ASCL3: variants seen among roughly 807,000 people sequenced by gnomAD.
The protein encoded by ASCL3 is achaete-scute family bHLH transcription factor 3, also known as achaete-scute homolog 3.
Under a neutral mutation model 2.3 loss-of-function variants are expected in ASCL3, and 1 was observed. The ratio of observed to expected loss-of-function variants is 0.44; its 90% confidence interval spans 0.16 to 2.10. The LOEUF (loss-of-function observed/expected upper bound fraction) is 2.10, where lower values mean the gene tolerates loss of function less well. ASCL3 is among the 30% of genes most tolerant of loss of function. The pLI is 0.28. For synonymous variants in ASCL3, 98 were observed against 88.5 expected (o/e 1.11, Z -0.60); for missense variants, 243 against 229.0 (o/e 1.06, Z -0.40).
intron 1 of ASCL3, among the ~76,000 whole-genome samples, chr11:8,939,535 G>A (rs547324514): frequency 3.9e-5 from 6 of 152,236 alleles, no homozygotes; most frequent in Non-Finnish European, 7.4e-5. Context: ...CACTGTGCCC[G>A]GCCATAAGGT....
chr11:8,938,305 A>G lies in ASCL3; in HGVS notation c.-12-132T>C, dbSNP rs2064690480. On this transcript the variant is annotated intron_variant, in intron 1 of 1. Coordinates refer to ENST00000531618, the MANE Select transcript of ASCL3 (RefSeq NM_020646.3). Reference sequence around the variant, plus strand: ...GGCTCTGTTGCCCAGGCTGGAGTGCAGTGGCGTGATCTCGGCTCACTGCAA... The same window carrying G: ...GGCTCTGTTGCCCAGGCTGGAGTGCGGTGGCGTGATCTCGGCTCACTGCAA... 7 of 791,780 alleles carry G rather than the reference A, an allele frequency of 8.8e-6. 1 individual carries two copies. The highest frequency in any genetic ancestry group is 1.4e-5 in the Non-Finnish European group (7 of 509,406). 49.0% of individuals were successfully genotyped at this position (791,780 alleles called of 1,614,324 possible).
rs1170872757 is a variant in ASCL3 at position 8,937,790 on chromosome 11, A to G, written c.372T>C (p.Tyr124=). 1.2e-6 allele frequency: 2 copies of G among 1,614,026 alleles called. No individual in the cohort carries two copies. Among genetic ancestry groups the G allele is most frequent in the Non-Finnish European group, 1.7e-6 (2 of 1,179,986 alleles). The part of the protein sequence containing the change: ...AQLRHHLPEE[Y]LEKRLSKVET... ...CCACTTTGCTGAGTCGCTTCTCCAA[A>G]TACTCCTCTGGCAGATGATGGCGGA... is the stretch of plus-strand genomic sequence containing the variant. The change falls in exon 2 of 2, where the codon TAT becomes TAC. Residue 124 remains tyrosine (Y), a synonymous_variant. Transcript: ENST00000531618.
Position 8,937,694 on chromosome 11 carries a change from G to A in ASCL3, c.468C>T (p.Thr156=), listed in dbSNP as rs2134847252. The change falls in exon 2 of 2, where the codon ACC becomes ACT. Residue 156 remains threonine, a synonymous_variant. Transcript: ENST00000531618. ...AGGAAACTTTTCCAGGGTTATTCTT[G>A]GTCTCAGCTTTATCAGGGTACAGAA... is the stretch of plus-strand genomic sequence containing the variant. ...QSLLYPDKAE[T]KNNPGKVSSM... The A allele has an allele frequency of 6.2e-7, 1 of 1,614,070 alleles. No homozygotes were observed. The highest frequency in any genetic ancestry group is 1.1e-5 in the South Asian group (1 of 91,078).
chr11:8,941,209 C>T (rs573134939), intron 1 of ASCL3, among the ~76,000 whole-genome samples: 2 of 152,034 alleles, frequency 1.3e-5, no homozygotes, highest in African/African-American at 4.8e-5. Context: ...GAAGGGAAAG[C>T]AGCTTGAAGT....
intron 1 of ASCL3, among the ~76,000 whole-genome samples, chr11:8,938,999 C>A (rs1475416920): frequency 6.6e-6 from 1 of 151,458 alleles, no homozygotes; most frequent in Admixed American, 6.6e-5. Flanking sequence ...GAGACAGGGT[C>A]TTGCCATGTT....
In ASCL3 at chr11:8,938,019, G is replaced by A; in HGVS notation, c.143C>T (p.Pro48Leu). The A allele has an allele frequency of 1.2e-6, 2 of 1,613,998 alleles. No individual in the cohort carries two copies. Among genetic ancestry groups the A allele is most frequent in the South Asian group, 2.2e-5 (2 of 91,072 alleles). ...CAGCCGTGGCAGCTCCTCAGAGTAAGGGGATGACACCGGGGCCTCTGGGTG... is the reference window on the plus strand; with the variant it reads ...CAGCCGTGGCAGCTCCTCAGAGTAAAGGGATGACACCGGGGCCTCTGGGTG... ...HVHPEAPVSS[P>L]YSEELPRLPF... The change falls in exon 2 of 2, where the codon CCT becomes CTT. Residue 48 changes from proline to leucine, a missense_variant. Pro to Leu is a moderately conservative substitution (Grantham distance 98). Transcript: ENST00000531618.
Position 8,940,381 on chromosome 11 carries a change from C to T in ASCL3, c.-12-2208G>A, listed in dbSNP as rs147081701. Among the ~76,000 whole-genome samples, 464 of 152,246 alleles carry T rather than the reference C, an allele frequency of 3.0e-3. 4 individuals carry two copies. The highest frequency in any genetic ancestry group is 5.3e-3 in the Non-Finnish European group (363 of 68,008). ...TCTTCTTTGTGAATAGGTCTATATC[C>T]TTCTCCTGTTTTAAACTACTGTTAC... On this transcript the variant is annotated intron_variant, in intron 1 of 1. Transcript: ENST00000531618.
chr11:8,937,697 C>A lies in ASCL3; in HGVS notation c.465G>T (p.Glu155Asp). 6.2e-7 allele frequency: 1 copy of A among 1,614,080 alleles called. No individual in the cohort carries two copies. Among genetic ancestry groups the A allele is most frequent in the Non-Finnish European group, 8.5e-7 (1 of 1,179,994 alleles). The change falls in exon 2 of 2, where the codon GAG becomes GAT. Residue 155 changes from glutamate (E) to aspartate (D), a missense_variant. Glu to Asp is a conservative substitution (Grantham distance 45). Transcript: ENST00000531618. ...AAACTTTTCCAGGGTTATTCTTGGT[C>A]TCAGCTTTATCAGGGTACAGAAGAG... ...LQSLLYPDKA[E>D]TKNNPGKVSS...
intron 1 of ASCL3, among the ~76,000 whole-genome samples, chr11:8,938,995 G>T (rs568765873): frequency 6.6e-6 from 1 of 151,750 alleles, no homozygotes; most frequent in Non-Finnish European, 1.5e-5. Flanking sequence ...TGTAGAGACA[G>T]GGTCTTGCCA....
At chr11:8,941,384 G>C (rs1261049593) in intron 1 of ASCL3, among the ~76,000 whole-genome samples, 1 of 151,562 alleles carries the variant, frequency 6.6e-6, no homozygotes, top group Non-Finnish European at 1.5e-5. Flanking sequence ...CTAATGTTTA[G>C]GGCAAGATTA....
rs1234098859 is a variant in ASCL3, at chr11:8,937,742, C to G, written c.420G>C (p.Lys140Asn). The change falls in exon 2 of 2, where the codon AAG (lysine) becomes AAC (asparagine). Residue 140 changes from lysine to asparagine, a missense_variant. Coordinates refer to ENST00000531618, the MANE Select transcript of ASCL3 (RefSeq NM_020646.3). ...SKVETLRAAI[K>N]YINYLQSLLY... ...GAAGAGACTGCAGGTAGTTAATGTA[C>G]TTGATCGCAGCTCTGAGGGTTTCCA... 6 of 1,613,954 alleles carry G rather than the reference C, an allele frequency of 3.7e-6. No homozygotes were observed. The Admixed American group carries it at 1.0e-4, about 27-fold the overall frequency.
rs762648790 is a variant in ASCL3 at position 8,937,903 on chromosome 11, C to G, written c.259G>C (p.Glu87Gln). The stretch of plus-strand genomic sequence containing the variant: ...GTGAAGGCTGGCCCGTAGGAGTACT[C>G]GCACCCTCTGTAATTTGGATAAGGC... The part of the protein sequence containing the change: ...PMPYPNYRGC[E>Q]YSYGPAFTRK... Residue 87 changes from glutamate to glutamine, a missense_variant, in exon 2 of 2, where the codon GAG becomes CAG. By Grantham distance (29) the Glu-to-Gln change is conservative (BLOSUM62 2). Coordinates refer to ENST00000531618, the MANE Select transcript of ASCL3 (RefSeq NM_020646.3). The G allele has an allele frequency of 5.6e-6, 9 of 1,613,954 alleles. No homozygotes were observed. In the South Asian group the frequency reaches 7.7e-5, roughly 14 times the overall value.
Position 8,937,810 on chromosome 11 carries a change from G to C in ASCL3, c.352C>G (p.His118Asp), listed in dbSNP as rs1296726378. The change falls in exon 2 of 2, where the codon CAT becomes GAT. Residue 118 changes from histidine (H) to aspartate (D), a missense_variant. His to Asp is a moderately conservative substitution (Grantham distance 81). Transcript: ENST00000531618. ...CVNEGYAQLRHHLPEEYLEKR... is the reference protein window; with the variant it reads ...CVNEGYAQLRDHLPEEYLEKR... Reference sequence around the variant, plus strand: ...TCCAAATACTCCTCTGGCAGATGATGGCGGAGCTGGGCGTAGCCTTCATTG... The same window carrying C: ...TCCAAATACTCCTCTGGCAGATGATCGCGGAGCTGGGCGTAGCCTTCATTG... The C allele has an allele frequency of 4.3e-6, 7 of 1,614,068 alleles. 1 individual carries two copies. The South Asian group carries it at 7.7e-5, about 18-fold the overall frequency.
At chr11:8,942,400 T>C (rs1282813394) in intron 1 of ASCL3, among the ~76,000 whole-genome samples, 1 of 152,138 alleles carries the variant, frequency 6.6e-6, no homozygotes, top group African/African-American at 2.4e-5. Flanking sequence ...GAATTGAGTA[T>C]AAGTTTTTAA....
At chr11:8,938,615 A>T (rs2064692115) in intron 1 of ASCL3, among the ~76,000 whole-genome samples, 1 of 151,964 alleles carries the variant, frequency 6.6e-6, no homozygotes, top group African/African-American at 2.4e-5. Context: ...GGACAATGAG[A>T]TGGTGTTATA....
rs367626662 is a variant in ASCL3 at position 8,937,970 on chromosome 11, G to A, written c.192C>T (p.Ile64=). The change falls in exon 2 of 2, where the codon ATC becomes ATT. Residue 64 remains isoleucine (I), a synonymous_variant. Transcript: ENST00000531618. ...PRLPFPSDSL[I]LGNYSEPCPF... ...GGCAGGGTTCACTGTAATTTCCCAG[G>A]ATAAGAGAGTCGCTGGGAAAAGGCA... The A allele has an allele frequency of 1.3e-5, 21 of 1,613,908 alleles. No homozygotes were observed. The highest frequency in any genetic ancestry group is 1.8e-5 in the Non-Finnish European group (21 of 1,179,942).
intron 1 of ASCL3, among the ~76,000 whole-genome samples, chr11:8,939,017 C>T (rs765641572): frequency 4.2e-4 from 64 of 151,830 alleles, no homozygotes; most frequent in Non-Finnish European, 7.1e-4. Flanking sequence ...GTTGCCCAGG[C>T]TGGTCTCAAA....
intron 1 of ASCL3, among the ~76,000 whole-genome samples, chr11:8,939,388 C>T (rs975924158): frequency 2.0e-5 from 3 of 151,836 alleles, no homozygotes; most frequent in Non-Finnish European, 4.4e-5. Flanking sequence ...TACAGGTGCC[C>T]GCCACCACGC....
chr11:8,937,781 C>T lies in ASCL3; in HGVS notation c.381G>A (p.Lys127=), dbSNP rs1256154600. 13 of 1,614,096 alleles carry T rather than the reference C, an allele frequency of 8.1e-6. No homozygotes were observed. Among genetic ancestry groups the T allele is most frequent in the Non-Finnish European group, 1.1e-5 (13 of 1,179,994 alleles). Residue 127 remains lysine, a synonymous_variant, in exon 2 of 2, where the codon AAG becomes AAA. Coordinates refer to ENST00000531618, the MANE Select transcript of ASCL3 (RefSeq NM_020646.3). ...TGAGGGTTTCCACTTTGCTGAGTCG[C>T]TTCTCCAAATACTCCTCTGGCAGAT... ...RHHLPEEYLE[K]RLSKVETLRA... is the part of the protein sequence containing the mutation.
Sources: gnomAD v4.1 joint callset for allele counts (sites outside exome capture counted in the v4.1 genomes callset) on GRCh38, gnomAD v4.1.1 for gene constraint, MANE v1.5 for transcripts, NCBI Gene and HGNC (gene_info 2026-07-23, HGNC 2026-07-21) for gene names.